The following MINDY3 variants were observed in gnomAD, a reference collection of about 807,000 sequenced individuals.
MINDY3 encodes the protein MINDY lysine 48 deubiquitinase 3.
Under a neutral mutation model 69.2 loss-of-function variants are expected in MINDY3, and 38 were observed. The observed-to-expected ratio is 0.55, with a 90% CI of 0.42 to 0.72. MINDY3 has a LOEUF of 0.72. Among genes scored for constraint, MINDY3 ranks in the 30% least tolerant of loss-of-function variants. MINDY3 has a pLI of 0.00. For synonymous variants in MINDY3, 192 were observed against 180.1 expected (o/e 1.07, Z -0.53); for missense variants, 522 against 519.0 (o/e 1.01, Z -0.06).
Position 15,798,516 on chromosome 10 carries a change from G to C in MINDY3, c.883-2344C>G, listed in dbSNP as rs556353102. On this transcript the variant is annotated intron_variant, in intron 10 of 14. Transcript: ENST00000277632. ...CTAGTGGTTGGGCACGGTGTGTCAC[G>C]CCTGTAATCCCAGGACTTTGGGAGG... 2.2e-3 allele frequency among the ~76,000 whole-genome samples: 322 copies of C among 148,984 alleles called. 2 individuals carry two copies. Among genetic ancestry groups the C allele is most frequent in the African/African-American group, 6.7e-3 (269 of 40,210 alleles).
chr10:15,834,463 G>T, intron 7 of MINDY3, 80 bp downstream of exon 7: 2 of 959,978 alleles, frequency 2.1e-6, no homozygotes, highest in South Asian at 1.5e-5. Context: ...AAAATTACTT[G>T]ACTCAGTCAT....
Position 15,796,183 on chromosome 10 carries a change from A to T in MINDY3, c.883-11T>A, listed in dbSNP as rs914626467. On this transcript the variant is annotated splice_polypyrimidine_tract_variant and intron_variant, in intron 10 of 14. Coordinates refer to ENST00000277632, the MANE Select transcript of MINDY3 (RefSeq NM_024948.4). ...AACTAAAGCCATATCCTGAAAAGAT[A>T]AGAAGCATGTTGTCAACCAGCTACA... is the stretch of plus-strand genomic sequence containing the variant. 2.0e-5 allele frequency: 32 copies of T among 1,610,004 alleles called. No homozygotes were observed. Among genetic ancestry groups the T allele is most frequent in the Non-Finnish European group, 2.6e-5 (31 of 1,176,706 alleles).
At chr10:15,786,683 G>C (rs780725464) in intron 12 of MINDY3, 35 bp from the exon 13 acceptor site, 1 of 1,234,258 alleles carries the variant, frequency 8.1e-7, no homozygotes, top group South Asian at 1.3e-5. Context: ...GTGGATACCA[G>C]AGGAAAAAAA....
intron 3 of MINDY3, among the ~76,000 whole-genome samples, chr10:15,842,619 A>G (rs1168689742): frequency 6.6e-6 from 1 of 151,856 alleles, no homozygotes; most frequent in African/African-American, 2.4e-5. Flanking sequence ...TGGGATTGTA[A>G]TGTGTCCTAA....
Position 15,782,185 on chromosome 10 carries a change from A to C in MINDY3, c.1158T>G (p.Asn386Lys). 1 of 1,611,086 alleles carries C rather than the reference A, an allele frequency of 6.2e-7. No individual in the cohort carries two copies. The highest frequency in any genetic ancestry group is 8.5e-7 in the Non-Finnish European group (1 of 1,178,100). The change falls in exon 14 of 15, where the codon AAT becomes AAG. Residue 386 changes from asparagine to lysine, a missense_variant. Coordinates refer to ENST00000277632, the MANE Select transcript of MINDY3 (RefSeq NM_024948.4). ...GPESFTVYHY[N>K]GLKQSNYNEK... Reference sequence around the variant, plus strand: ...CATTATAATTTGACTGCTTCAATCCATTGTAGTGGTAGACAGTAAAAGATT... The same window carrying C: ...CATTATAATTTGACTGCTTCAATCCCTTGTAGTGGTAGACAGTAAAAGATT...
At chr10:15,858,861 T>C (rs1394490979) in intron 1 of MINDY3, among the ~76,000 whole-genome samples, 2 of 152,158 alleles carry the variant, frequency 1.3e-5, no homozygotes, top group Non-Finnish European at 2.9e-5. Context: ...AATAAGTAAG[T>C]CAAAGTGGGA....
At chr10:15,840,306 T>G (rs1833378929) in intron 4 of MINDY3, among the ~76,000 whole-genome samples, 1 of 151,694 alleles carries the variant, frequency 6.6e-6, no homozygotes, top group Admixed American at 6.6e-5. Flanking sequence ...TTATAAACTC[T>G]AAAATATGTT....
intron 8 of MINDY3, among the ~76,000 whole-genome samples, chr10:15,827,677 A>G (rs1840185583): frequency 6.6e-6 from 1 of 152,180 alleles, no homozygotes; most frequent in African/African-American, 2.4e-5. Context: ...AAGAACTAAG[A>G]GAATTTATAA....
At position 15,860,156 on chromosome 10, in the gene MINDY3, G is replaced by A. The variant is rs542454749; in HGVS notation, c.94+50C>T. 3.6e-6 allele frequency: 5 copies of A among 1,404,616 alleles called. No homozygotes were observed. The African/African-American group carries it at 4.2e-5, about 12-fold the overall frequency. 87.0% of individuals were successfully genotyped at this position (1,404,616 alleles called of 1,614,324 possible). On this transcript the variant is annotated intron_variant, in intron 1 of 14. Coordinates refer to ENST00000277632, the MANE Select transcript of MINDY3 (RefSeq NM_024948.4). ...CGAGAGGCGTCACAGGCGGACTCTC[G>A]CAGGGCAAAAGAAGCAGCGGCTGCA...
intron 8 of MINDY3, among the ~76,000 whole-genome samples, chr10:15,830,308 C>T (rs1295847891): frequency 6.6e-6 from 1 of 152,128 alleles, no homozygotes. Context: ...GAACAGTGCT[C>T]AAGGACTTGA....
At chr10:15,790,681 C>T (rs1452187606) in intron 11 of MINDY3, among the ~76,000 whole-genome samples, 1 of 152,032 alleles carries the variant, frequency 6.6e-6, no homozygotes, top group East Asian at 1.9e-4. Context: ...ATCCAAAATG[C>T]CTGGGTCTAG....
intron 9 of MINDY3, among the ~76,000 whole-genome samples, chr10:15,821,349 C>T (rs917261470): frequency 6.6e-6 from 1 of 152,200 alleles, no homozygotes; most frequent in Non-Finnish European, 1.5e-5. Context: ...TCTTCATCCT[C>T]ATTTTGCCAA....
At chr10:15,782,081 C>T (rs1218647069) in intron 14 of MINDY3, 74 bp downstream of exon 14, 10 of 1,068,140 alleles carry the variant, frequency 9.4e-6, no homozygotes, top group Non-Finnish European at 1.4e-5. Context: ...GTACGGGAAT[C>T]GAACATTGTT....
chr10:15,809,424 T>C (rs1838850152), intron 10 of MINDY3, among the ~76,000 whole-genome samples: 1 of 152,148 alleles, frequency 6.6e-6, no homozygotes, highest in Admixed American at 6.6e-5. Flanking sequence ...ACCTGTGCAG[T>C]AGGTTCGCAT....
At chr10:15,840,590 C>A (rs536448021) in intron 4 of MINDY3, among the ~76,000 whole-genome samples, 1 of 151,512 alleles carries the variant, frequency 6.6e-6, no homozygotes, top group South Asian at 2.1e-4. Flanking sequence ...AATCTCTTTA[C>A]GAAAACTTTC....
At chr10:15,816,005 C>T (rs921656572) in intron 10 of MINDY3, among the ~76,000 whole-genome samples, 2 of 152,106 alleles carry the variant, frequency 1.3e-5, no homozygotes, top group Non-Finnish European at 2.9e-5. Context: ...GTGGCTCACG[C>T]CTGTGATCCC....
intron 13 of MINDY3, among the ~76,000 whole-genome samples, chr10:15,784,984 C>T (rs773323032): frequency 7.2e-5 from 11 of 152,128 alleles, no homozygotes; most frequent in Non-Finnish European, 1.5e-4. Context: ...AGCAGCTGTT[C>T]TCTAACTTGG....
intron 13 of MINDY3, among the ~76,000 whole-genome samples, chr10:15,783,881 T>A (rs1480960177): frequency 1.3e-5 from 2 of 152,154 alleles, no homozygotes; most frequent in Non-Finnish European, 2.9e-5. Context: ...TAATTTATAT[T>A]CCCTATTTCC....
At chr10:15,848,633 CAAAAAAAAA>C (rs10719399) in intron 1 of MINDY3, among the ~76,000 whole-genome samples, 10 of 48,798 alleles carry the variant, frequency 2.0e-4, no homozygotes, top group African/African-American at 1.1e-3. Context: ...GACTTCATCT[CAAAAAAAAA>C]AAAAAAAAAA....
Sources: gnomAD v4.1 joint callset for allele counts (sites outside exome capture counted in the v4.1 genomes callset) on GRCh38, gnomAD v4.1.1 for gene constraint, MANE v1.5 for transcripts, NCBI Gene and HGNC (gene_info 2026-07-23, HGNC 2026-07-21) for gene names.